SUV39H1: variants seen among roughly 807,000 people sequenced by gnomAD.
SUV39H1 encodes the protein histone-lysine N-methyltransferase SUV39H1.
For synonymous variants in SUV39H1, 141 were observed against 150.5 expected, an observed-to-expected ratio of 0.94 and a Z score of 0.46; for missense variants, 180 against 386.3, an observed-to-expected ratio of 0.47 and a Z score of 4.48.
rs1557008676 is a variant in SUV39H1, at chrX:48,696,808, A to G, written c.19+5A>G. On this transcript the variant is annotated splice_donor_5th_base_variant and intron_variant, in intron 1 of 5. Coordinates refer to ENST00000376687, the MANE Select transcript of SUV39H1 (RefSeq NM_003173.4). Reference sequence around the variant, plus strand: ...AGATGGCGGAAAATTTAAAAGGTGAAGCAGTGGAGGCAGAGGCGCGGGCCC... The same window carrying G: ...AGATGGCGGAAAATTTAAAAGGTGAGGCAGTGGAGGCAGAGGCGCGGGCCC... The G allele has an allele frequency of 4.4e-6, 5 of 1,128,682 alleles. No individual in the cohort carries two copies. In the South Asian group the frequency reaches 1.0e-4, roughly 23 times the overall value. The allele number at this position is 1,128,682 out of a possible 1,213,427, so 93.0% of individuals were successfully genotyped here. A position where few individuals can be genotyped will look rare whatever the true frequency, so the allele number is the denominator to read the frequency against.
At chrX:48,697,225 G>A (rs1347276609) in intron 1 of SUV39H1, among the ~76,000 whole-genome samples, 3 of 111,748 alleles carry the variant, frequency 2.7e-5, no homozygotes, top group African/African-American at 9.7e-5. Context: ...TGCGGGGACT[G>A]AGAACTCTTC....
At chrX:48,700,784 A>C (rs782085157) in intron 3 of SUV39H1, 31 bp downstream of exon 3, 6 of 1,190,412 alleles carry the variant, frequency 5.0e-6, no homozygotes, top group Non-Finnish European at 6.8e-6. Context: ...GTGTGTGTGC[A>C]GCTCTTCCCA....
rs917052025 is a variant in SUV39H1, at chrX:48,708,679, C to T, written c.*1109C>T. 8 of 111,943 alleles carry T rather than the reference C, an allele frequency of 7.1e-5. No homozygotes were observed. Among genetic ancestry groups the T allele is most frequent in the African/African-American group, 2.6e-4 (8 of 30,735 alleles). 9.2% of individuals were successfully genotyped at this position (111,943 alleles called of 1,213,427 possible). A position where few individuals can be genotyped will look rare whatever the true frequency, so the allele number is the denominator to read the frequency against. On this transcript the variant is annotated 3_prime_UTR_variant, in exon 6 of 6. Coordinates refer to ENST00000376687, the MANE Select transcript of SUV39H1 (RefSeq NM_003173.4). ...TGCCTGCCATTCCCAGACCCCAGCC[C>T]TTTGTGCTCACCCTGGTTCCACTGG... is the stretch of plus-strand genomic sequence containing the variant.
Position 48,696,794 on chromosome X carries a change from A to G in SUV39H1, c.10A>G (p.Asn4Asp). Residue 4 changes from asparagine (N) to aspartate (D), a missense_variant, in exon 1 of 6, where the codon AAT (asparagine) becomes GAT (aspartate). Transcript: ENST00000376687. MAENLKGCSVCCKS... is the reference protein window; with the variant it reads MAEDLKGCSVCCKS... ...TTAGCCGTGGGGAAAGATGGCGGAA[A>G]ATTTAAAAGGTGAAGCAGTGGAGGC... The G allele has an allele frequency of 8.8e-7, 1 of 1,137,325 alleles. No homozygotes were observed. Among genetic ancestry groups the G allele is most frequent in the Non-Finnish European group, 1.2e-6 (1 of 859,792 alleles). The allele number at this position is 1,137,325 out of a possible 1,213,427, so 93.7% of individuals were successfully genotyped here. A position where few individuals can be genotyped will look rare whatever the true frequency, so the allele number is the denominator to read the frequency against.
At chrX:48,700,939 A>T in intron 3 of SUV39H1, 186 bp downstream of exon 3, 2 of 536,820 alleles carry the variant, frequency 3.7e-6, no homozygotes, top group South Asian at 2.5e-5. Context: ...ACACACCAGC[A>T]TGGCCATGCT....
Position 48,706,289 on chromosome X carries a change from C to A in SUV39H1, c.853C>A (p.Arg285=), listed in dbSNP as rs782340673. 3 of 1,209,546 alleles carry A rather than the reference C, an allele frequency of 2.5e-6. No homozygotes were observed. The South Asian group carries it at 5.3e-5, about 21-fold the overall frequency. ...GATCATTACCTCAGAGGAGGCAGAG[C>A]GGCGGGGCCAGATCTACGACCGTCA... ...GEIITSEEAE[R]RGQIYDRQGA... The change falls in exon 4 of 6, where the codon CGG becomes AGG. Residue 285 remains arginine (R), a synonymous_variant. Transcript: ENST00000376687.
At chrX:48,704,870 G>C (rs1481270504) in intron 3 of SUV39H1, among the ~76,000 whole-genome samples, 1 of 111,272 alleles carries the variant, frequency 9.0e-6, no homozygotes, top group African/African-American at 3.3e-5. Context: ...TGGTCCCTGT[G>C]TCTCCCTGAT....
chrX:48,702,070 A>G (rs1469394180), intron 3 of SUV39H1, among the ~76,000 whole-genome samples: 1 of 112,529 alleles, frequency 8.9e-6, no homozygotes, highest in Non-Finnish European at 1.9e-5. Context: ...TACACCACAG[A>G]GGACCCTGAC....
Position 48,707,804 on chromosome X carries a change from C to T in SUV39H1, c.*234C>T. On this transcript the variant is annotated 3_prime_UTR_variant, in exon 6 of 6. Coordinates refer to ENST00000376687, the MANE Select transcript of SUV39H1 (RefSeq NM_003173.4). ...GTTGCACTTACAAACCCCCACCCAC[C>T]TTCAGAAATAGTTTTTCAACATCAA... is the stretch of plus-strand genomic sequence containing the variant. The T allele has an allele frequency of 2.1e-6, 1 of 484,962 alleles. No homozygotes were observed. Among genetic ancestry groups the T allele is most frequent in the Non-Finnish European group, 3.7e-6 (1 of 268,574 alleles). The allele number at this position is 484,962 out of a possible 1,213,427, so 40.0% of individuals were successfully genotyped here.
intron 3 of SUV39H1, among the ~76,000 whole-genome samples, chrX:48,704,565 G>A (rs1557009826): frequency 9.0e-6 from 1 of 111,692 alleles, no homozygotes; most frequent in African/African-American, 3.3e-5. Flanking sequence ...TTCTCCAGGA[G>A]GTGAAGGGAG....
In SUV39H1 at chrX:48,707,801, C is replaced by T; in HGVS notation, c.*231C>T. The T allele has an allele frequency of 2.0e-6, 1 of 487,943 alleles. No homozygotes were observed. The highest frequency in any genetic ancestry group is 3.7e-6 in the Non-Finnish European group (1 of 270,501). The allele number at this position is 487,943 out of a possible 1,213,427, so 40.2% of individuals were successfully genotyped here. ...TGGGTTGCACTTACAAACCCCCACC[C>T]ACCTTCAGAAATAGTTTTTCAACAT... On this transcript the variant is annotated 3_prime_UTR_variant, in exon 6 of 6. Coordinates refer to ENST00000376687, the MANE Select transcript of SUV39H1 (RefSeq NM_003173.4).
In SUV39H1 at chrX:48,707,714, G is replaced by T; in HGVS notation, c.*144G>T. ...CCTGCTCCTACCTGCTCTACGTTCA[G>T]GGCTGTGGCCGTGGTGAGGACCGAC... On this transcript the variant is annotated 3_prime_UTR_variant, in exon 6 of 6. Transcript: ENST00000376687. 1.3e-6 allele frequency: 1 copy of T among 786,225 alleles called. No homozygotes were observed. The highest frequency in any genetic ancestry group is 3.3e-5 in the East Asian group (1 of 30,546). 64.8% of individuals were successfully genotyped at this position (786,225 alleles called of 1,213,427 possible).
chrX:48,706,187 C>A lies in SUV39H1; in HGVS notation c.829-78C>A. The A allele has an allele frequency of 3.5e-6, 4 of 1,136,995 alleles. No homozygotes were observed. The South Asian group carries it at 8.1e-5, about 23-fold the overall frequency. 93.7% of individuals were successfully genotyped at this position (1,136,995 alleles called of 1,213,427 possible). On this transcript the variant is annotated intron_variant, in intron 3 of 5. Transcript: ENST00000376687. ...GGCAGGGGTGCCTCCTGCTCCCTGT[C>A]CTTCAGAAGTCAGGAGCAGTGCCGG...
At position 48,707,745 on chromosome X, in the gene SUV39H1, G is replaced by C. The variant is rs782176108; in HGVS notation, c.*175G>C. ...TGGCCGTGGTGAGGACCGACTCCAGGAGTCCCCTTTCCCTGTCCCAGCCCC... is the reference window on the plus strand; with the variant it reads ...TGGCCGTGGTGAGGACCGACTCCAGCAGTCCCCTTTCCCTGTCCCAGCCCC... On this transcript the variant is annotated 3_prime_UTR_variant, in exon 6 of 6. Transcript: ENST00000376687. 1 of 574,597 alleles carries C rather than the reference G, an allele frequency of 1.7e-6. No homozygotes were observed. The highest frequency in any genetic ancestry group is 2.5e-5 in the South Asian group (1 of 39,614). 47.4% of individuals were successfully genotyped at this position (574,597 alleles called of 1,213,427 possible). A position where few individuals can be genotyped will look rare whatever the true frequency, so the allele number is the denominator to read the frequency against.
intron 3 of SUV39H1, 127 bp from the exon 4 acceptor site, chrX:48,706,138 C>T (rs2062490121): frequency 2.9e-5 from 26 of 905,306 alleles, no homozygotes; most frequent in Middle Eastern, 8.4e-4. Flanking sequence ...AGACTCTCTG[C>T]GTCACTGCCC....
chrX:48,696,845 C>T (rs1425194664), intron 1 of SUV39H1, 42 bp downstream of exon 1: 4 of 1,071,779 alleles, frequency 3.7e-6, no homozygotes, highest in Non-Finnish European at 4.9e-6. Flanking sequence ...CTGGCCGGGC[C>T]GGGTGGGCTG....
At chrX:48,702,517 T>A (rs936953831) in intron 3 of SUV39H1, among the ~76,000 whole-genome samples, 3 of 109,966 alleles carry the variant, frequency 2.7e-5, no homozygotes, top group Non-Finnish European at 5.7e-5. Context: ...GAACCCAAAC[T>A]CTCTGGAGGA....
chrX:48,708,514 C>G lies in SUV39H1; in HGVS notation c.*944C>G, dbSNP rs2062499080. The G allele has an allele frequency of 8.9e-6, 1 of 112,760 alleles. No homozygotes were observed. The highest frequency in any genetic ancestry group is 9.3e-5 in the Admixed American group (1 of 10,742). 9.3% of individuals were successfully genotyped at this position (112,760 alleles called of 1,213,427 possible). ...AGAGCACCTGGTCCACGTGGATTGT[C>G]TCAGGGAAGCCTTGAAAACCACGGA... On this transcript the variant is annotated 3_prime_UTR_variant, in exon 6 of 6. Transcript: ENST00000376687.
chrX:48,708,214 A>G lies in SUV39H1; in HGVS notation c.*644A>G, dbSNP rs1181021061. The G allele has an allele frequency of 3.7e-5, 5 of 135,203 alleles. No individual in the cohort carries two copies. Among genetic ancestry groups the G allele is most frequent in the Non-Finnish European group, 2.9e-5 (2 of 68,138 alleles). 11.1% of individuals were successfully genotyped at this position (135,203 alleles called of 1,213,427 possible). A position where few individuals can be genotyped will look rare whatever the true frequency, so the allele number is the denominator to read the frequency against. On this transcript the variant is annotated 3_prime_UTR_variant, in exon 6 of 6. Transcript: ENST00000376687. ...AAGTGGATGCCCACATGCCACTGGA[A>G]GGGAAGTGGGTGTCCATGGGCCACT...
Sources: gnomAD v4.1 joint callset for allele counts (sites outside exome capture counted in the v4.1 genomes callset) on GRCh38, gnomAD v4.1.1 for gene constraint, MANE v1.5 for transcripts, NCBI Gene and HGNC (gene_info 2026-07-23, HGNC 2026-07-21) for gene names.